GRID1: variants seen among roughly 807,000 people sequenced by gnomAD.
GRID1 encodes the protein glutamate receptor ionotropic, delta-1.
Under a neutral mutation model 98.0 loss-of-function variants are expected in GRID1, and 28 were observed. The ratio of observed to expected loss-of-function variants is 0.29; its 90% CI spans 0.21 to 0.39. The LOEUF is 0.39. Ranked by LOEUF, GRID1 falls within the 10% of genes least tolerant of loss-of-function variation. The pLI, the probability that GRID1 is intolerant of heterozygous loss-of-function variation, is 1.00. For missense variants in GRID1, 1,111 were observed against 1,340.5 expected, an observed-to-expected ratio of 0.83 and a Z score of 2.67; for synonymous variants, 553 against 538.5, an observed-to-expected ratio of 1.03 and a Z score of -0.37.
Position 85,865,893 on chromosome 10 carries a change from A to G in GRID1, c.951+3117T>C, listed in dbSNP as rs557915587. The stretch of plus-strand genomic sequence containing the variant: ...AAATGGAGACAGAGATTCCTTTAAT[A>G]AAGTGTTTTACATATATACATATAT... On this transcript the variant is annotated intron_variant, in intron 6 of 15. Transcript: ENST00000327946. Among the ~76,000 whole-genome samples the G allele has an allele frequency of 7.0e-3, 980 of 140,752 alleles. 3 individuals are homozygous for G. Among genetic ancestry groups the G allele is most frequent in the South Asian group, 0.017 (74 of 4,438 alleles). 92.3% of individuals were successfully genotyped at this position (140,752 alleles called of 152,430 possible).
chr10:86,025,288 G>A (rs140736630), intron 4 of GRID1, among the ~76,000 whole-genome samples: 17 of 152,278 alleles, frequency 1.1e-4, no homozygotes, highest in Admixed American at 3.9e-4. Flanking sequence ...GCATGTAAAT[G>A]TAGTGGTTAT....
chr10:85,712,713 A>G (rs1364896010), intron 12 of GRID1, among the ~76,000 whole-genome samples: 1 of 151,884 alleles, frequency 6.6e-6, no homozygotes, highest in Non-Finnish European at 1.5e-5. Flanking sequence ...CTGAAATCAT[A>G]TCAAGTATCT....
chr10:86,101,773 G>A (rs1399461569), intron 4 of GRID1, among the ~76,000 whole-genome samples: 4 of 151,856 alleles, frequency 2.6e-5, no homozygotes, highest in Non-Finnish European at 5.9e-5. Flanking sequence ...CTGAGTGGCT[G>A]GGACTACATG....
intron 2 of GRID1, among the ~76,000 whole-genome samples, chr10:86,334,891 G>A (rs112384566): frequency 5.3e-5 from 8 of 152,216 alleles, no homozygotes; most frequent in South Asian, 2.1e-4. Context: ...GCCAGCCAGC[G>A]GTGCTGGCAG....
intron 4 of GRID1, among the ~76,000 whole-genome samples, chr10:86,051,073 C>T (rs1398905131): frequency 2.7e-5 from 4 of 148,544 alleles, no homozygotes; most frequent in African/African-American, 4.9e-5. Flanking sequence ...AGTGAAACTC[C>T]GTCTCAAAAA....
intron 4 of GRID1, among the ~76,000 whole-genome samples, chr10:86,057,606 G>A (rs1455891942): frequency 6.6e-6 from 1 of 151,934 alleles, no homozygotes; most frequent in East Asian, 1.9e-4. Flanking sequence ...TCAGTTCCTC[G>A]ACTAACATCC....
intron 5 of GRID1, among the ~76,000 whole-genome samples, chr10:85,892,755 G>A (rs953683102): frequency 1.6e-4 from 24 of 151,930 alleles, no homozygotes; most frequent in African/African-American, 4.8e-4. Context: ...CCCAGATAAC[G>A]TCATTGGTGA....
At position 86,366,238 on chromosome 10, in the gene GRID1, C is replaced by G. The variant is rs977847340; in HGVS notation, c.79+76G>C. 4.6e-5 allele frequency: 50 copies of G among 1,095,196 alleles called. No individual in the cohort carries two copies. Among genetic ancestry groups the G allele is most frequent in the Non-Finnish European group, 5.8e-5 (46 of 793,212 alleles). 67.8% of individuals were successfully genotyped at this position (1,095,196 alleles called of 1,614,324 possible). On this transcript the variant is annotated intron_variant, in intron 1 of 15. Coordinates refer to ENST00000327946, the MANE Select transcript of GRID1 (RefSeq NM_017551.3). This position sits in a 1 kb window ranked among gnomAD's most constrained non-coding sequence, Gnocchi z 4.1. ...CGAGCCCCTCGGCCCAGGGAAACGCCAAGTTTGGACGCCGCGCACCCCCTG... is the reference window on the plus strand; with the variant it reads ...CGAGCCCCTCGGCCCAGGGAAACGCGAAGTTTGGACGCCGCGCACCCCCTG...
At chr10:86,262,581 G>T (rs1847032622) in intron 2 of GRID1, among the ~76,000 whole-genome samples, 2 of 152,164 alleles carry the variant, frequency 1.3e-5, no homozygotes, top group Non-Finnish European at 2.9e-5. Context: ...CCACCCCCAA[G>T]CGTTCTCTTA....
At position 86,340,917 on chromosome 10, in the gene GRID1, C is replaced by T. The variant is rs73340263; in HGVS notation, c.235+23024G>A. On this transcript the variant is annotated intron_variant, in intron 2 of 15. Coordinates refer to ENST00000327946, the MANE Select transcript of GRID1 (RefSeq NM_017551.3). Reference sequence around the variant, plus strand: ...CTCAGGAGCCTACTCCTGCTCAGGCCTCCTCCTAGTCAAGGACCACAGGCA... The same window carrying T: ...CTCAGGAGCCTACTCCTGCTCAGGCTTCCTCCTAGTCAAGGACCACAGGCA... 9.0e-3 allele frequency among the ~76,000 whole-genome samples: 1,374 copies of T among 152,232 alleles called. 14 individuals are homozygous for T. Among genetic ancestry groups the T allele is most frequent in the South Asian group, 0.023 (112 of 4,832 alleles).
chr10:85,822,778 G>A (rs1564601279), intron 8 of GRID1, among the ~76,000 whole-genome samples: 1 of 152,048 alleles, frequency 6.6e-6, no homozygotes, highest in Non-Finnish European at 1.5e-5. Flanking sequence ...GCAAAGACTT[G>A]GAAACAACCC....
intron 13 of GRID1, among the ~76,000 whole-genome samples, chr10:85,626,142 C>T (rs1842910184): frequency 6.6e-6 from 1 of 152,196 alleles, no homozygotes; most frequent in Admixed American, 6.5e-5. Flanking sequence ...CCACTGGGTA[C>T]CAAGGCCTTC....
chr10:86,071,742 C>T (rs1027088139), intron 4 of GRID1, among the ~76,000 whole-genome samples: 14 of 152,082 alleles, frequency 9.2e-5, no homozygotes, highest in African/African-American at 3.4e-4. Flanking sequence ...TTGAAGAGCT[C>T]ATGGTCTACT....
intron 4 of GRID1, among the ~76,000 whole-genome samples, chr10:86,094,743 A>G (rs971005598): frequency 6.6e-6 from 1 of 152,162 alleles, no homozygotes; most frequent in African/African-American, 2.4e-5. Flanking sequence ...TAGAATCAAT[A>G]TTGTGAAAAT....
chr10:85,811,917 A>AATCAAAGAC (rs770024482), intron 8 of GRID1, among the ~76,000 whole-genome samples: 3 of 152,196 alleles, frequency 2.0e-5, no homozygotes, highest in Non-Finnish European at 4.4e-5. Context: ...GCTAATCATC[A>AATCAAAGAC]ATCAAAGACA....
chr10:85,615,820 T>C (rs1590160339), intron 14 of GRID1, among the ~76,000 whole-genome samples: 1 of 152,212 alleles, frequency 6.6e-6, no homozygotes, highest in South Asian at 2.1e-4. Flanking sequence ...CTGAGCCTCC[T>C]GGCAGTTGCA....
intron 4 of GRID1, among the ~76,000 whole-genome samples, chr10:86,136,479 AC>A (rs1844926620): frequency 6.6e-6 from 1 of 152,192 alleles, no homozygotes. Flanking sequence ...TAAAATCCGG[AC>A]TTGAATCCTG....
intron 3 of GRID1, among the ~76,000 whole-genome samples, chr10:86,181,596 C>A (rs1466095048): frequency 6.6e-6 from 1 of 152,152 alleles, no homozygotes; most frequent in African/African-American, 2.4e-5. Context: ...TCTGTCCACC[C>A]TTCCTTGAAG....
At chr10:85,610,277 G>C (rs1287056985) in intron 15 of GRID1, among the ~76,000 whole-genome samples, 1 of 152,102 alleles carries the variant, frequency 6.6e-6, no homozygotes, top group Non-Finnish European at 1.5e-5. Context: ...CTGTCGTTTT[G>C]AGCCGTTTCC....
Sources: allele counts gnomAD v4.1 joint callset (sites outside exome capture counted in the v4.1 genomes callset), GRCh38; gene constraint gnomAD v4.1.1; non-coding constraint Gnocchi (gnomAD v3.1); transcripts MANE v1.5; gene names NCBI Gene and HGNC (gene_info 2026-07-23, HGNC 2026-07-21).